The following OGDH variants were observed in gnomAD, a reference collection of about 807,000 sequenced individuals.
OGDH encodes the protein 2-oxoglutarate dehydrogenase complex component E1.
OGDH carries 38 observed loss-of-function variants against 116.6 expected under a neutral mutation model. That is an observed-to-expected ratio of 0.33 (90% CI 0.25 to 0.43). The LOEUF is 0.43. Among genes scored for constraint, OGDH ranks in the 20% least tolerant of loss-of-function variants. The pLI is 1.00. For missense variants in OGDH, 825 were observed against 1,357.2 expected (o/e 0.61, Z 6.16); for synonymous variants, 488 against 533.3 (o/e 0.92, Z 1.17).
At chr7:44,675,316 A>G (rs1331202132) in intron 8 of OGDH, 48 bp downstream of exon 8, 2 of 1,453,468 alleles carry the variant, frequency 1.4e-6, no homozygotes, top group Non-Finnish European at 1.9e-6. Context: ...CAACTTACAC[A>G]AGACCCCTGG....
intron 20 of OGDH, among the ~76,000 whole-genome samples, chr7:44,701,822 C>T (rs1348697828): frequency 4.6e-5 from 7 of 152,130 alleles, no homozygotes; most frequent in Admixed American, 4.6e-4. Flanking sequence ...GCAGGCAGAT[C>T]ATCTGAGGTC....
intron 10 of OGDH, among the ~76,000 whole-genome samples, chr7:44,691,114 TAGA>T (rs1293869515): frequency 1.3e-5 from 2 of 152,190 alleles, no homozygotes; most frequent in African/African-American, 4.8e-5. Flanking sequence ...GGAAGATCTG[TAGA>T]AGGAGAGGAA....
chr7:44,663,760 C>A (rs1365877520), intron 4 of OGDH, among the ~76,000 whole-genome samples: 1 of 151,848 alleles, frequency 6.6e-6, no homozygotes, highest in African/African-American at 2.4e-5. Context: ...GGCAACAGAG[C>A]GAGATGCTAT....
At chr7:44,698,373 C>G (rs779153467) in intron 18 of OGDH, 110 bp downstream of exon 18, 1 of 1,142,582 alleles carries the variant, frequency 8.8e-7, no homozygotes, top group Non-Finnish European at 1.3e-6. Flanking sequence ...TGCCTCTGTC[C>G]CTTTCTCCAT....
At chr7:44,685,560 A>G (rs1286388137) in intron 10 of OGDH, among the ~76,000 whole-genome samples, 1 of 152,158 alleles carries the variant, frequency 6.6e-6, no homozygotes, top group Non-Finnish European at 1.5e-5. Flanking sequence ...CCTGTTATGA[A>G]TAATGCTGCT....
chr7:44,624,476 G>A lies in OGDH; in HGVS notation c.133G>A (p.Ala45Thr). ...GATTCGGTGCTATTCTGCACCTGTT[G>A]CTGCTGAGCCCTTTCTCAGTGGGAC... ...QQIRCYSAPV[A>T]AEPFLSGTSS... Residue 45 changes from alanine to threonine, a missense_variant, in exon 2 of 23, where the codon GCT becomes ACT. By Grantham distance (58) the Ala-to-Thr change is moderately conservative. Coordinates refer to ENST00000222673, the MANE Select transcript of OGDH (RefSeq NM_002541.4). 1 of 1,613,778 alleles carries A rather than the reference G, an allele frequency of 6.2e-7. No individual in the cohort carries two copies. The highest frequency in any genetic ancestry group is 8.5e-7 in the Non-Finnish European group (1 of 1,179,978).
intron 9 of OGDH, among the ~76,000 whole-genome samples, chr7:44,681,088 A>G (rs1787910830): frequency 6.6e-6 from 1 of 152,234 alleles, no homozygotes; most frequent in African/African-American, 2.4e-5. Flanking sequence ...GGGCTGGTTC[A>G]GACGCAGTTG....
chr7:44,707,041 C>T lies in OGDH; in HGVS notation c.2633-184C>T, dbSNP rs113657216. Among the ~76,000 whole-genome samples the T allele has an allele frequency of 6.0e-3, 910 of 152,292 alleles. 16 individuals are homozygous for T. The highest frequency in any genetic ancestry group is 0.02 in the African/African-American group (840 of 41,562). On this transcript the variant is annotated intron_variant, in intron 20 of 22. Coordinates refer to ENST00000222673, the MANE Select transcript of OGDH (RefSeq NM_002541.4). This position sits in a 1 kb window ranked among gnomAD's most constrained non-coding sequence, Gnocchi z 5.2. ...TCTGCTGTGTATTTGTTACACGTAA[C>T]GTGCTTTTCAAAGTGTGCCTGGTCT...
intron 2 of OGDH, among the ~76,000 whole-genome samples, chr7:44,638,386 T>A (rs1785770512): frequency 6.6e-6 from 1 of 152,230 alleles, no homozygotes; most frequent in South Asian, 2.1e-4. Context: ...CCATTTCTCA[T>A]GAGTGAAAAA....
intron 2 of OGDH, among the ~76,000 whole-genome samples, chr7:44,627,943 C>A (rs890120736): frequency 2.6e-5 from 4 of 152,230 alleles, no homozygotes; most frequent in Non-Finnish European, 5.9e-5. Flanking sequence ...TCCCAAAGTG[C>A]TGGGATTACA....
rs539329531 is a variant in OGDH, at chr7:44,617,625, T to C, written c.-27-6692T>C. On this transcript the variant is annotated intron_variant, in intron 1 of 22. Transcript: ENST00000222673. ...TACTCTGTACATGAGTTCTTTGTAT[T>C]ACTACTAAAACAAAAATAATTGCAG... Among the ~76,000 whole-genome samples, 63 of 152,328 alleles carry C rather than the reference T, an allele frequency of 4.1e-4. 1 individual carries two copies. Among genetic ancestry groups the C allele is most frequent in the Admixed American group, 1.3e-4 (2 of 15,302 alleles).
At chr7:44,686,689 CTTTTT>C (rs35917984) in intron 10 of OGDH, among the ~76,000 whole-genome samples, 1 of 133,238 alleles carries the variant, frequency 7.5e-6, no homozygotes. Flanking sequence ...TTCTTTTTTT[CTTTTT>C]TTTTTTTTTT....
At chr7:44,632,624 TA>T (rs1785491208) in intron 2 of OGDH, among the ~76,000 whole-genome samples, 2 of 123,668 alleles carry the variant, frequency 1.6e-5, no homozygotes, top group African/African-American at 7.6e-5. Flanking sequence ...TTGTTGTTGT[TA>T]TTGTTGTTTT....
At chr7:44,623,617 T>TTAATC (rs1785085498) in intron 1 of OGDH, among the ~76,000 whole-genome samples, 1 of 75,452 alleles carries the variant, frequency 1.3e-5, no homozygotes. Context: ...ATGTTTATCA[T>TTAATC]CTTAGCCCTT....
chr7:44,657,316 A>T (rs988911413), intron 4 of OGDH, among the ~76,000 whole-genome samples: 1 of 152,188 alleles, frequency 6.6e-6, no homozygotes, highest in South Asian at 2.1e-4. Context: ...TGAAATTGTC[A>T]TTTCAGGAAT....
chr7:44,627,967 G>T (rs7808137), intron 2 of OGDH, among the ~76,000 whole-genome samples: 9,822 of 152,174 alleles, frequency 0.065, 402 homozygotes, highest in East Asian at 0.12. Context: ...GTGAGCCACT[G>T]CACCCAGCCC....
In OGDH at chr7:44,708,073, A is replaced by G; in HGVS notation, c.*74A>G. 1 of 1,559,496 alleles carries G rather than the reference A, an allele frequency of 6.4e-7. No individual in the cohort carries two copies. Among genetic ancestry groups the G allele is most frequent in the Non-Finnish European group, 8.7e-7 (1 of 1,155,918 alleles). On this transcript the variant is annotated 3_prime_UTR_variant, in exon 23 of 23. Coordinates refer to ENST00000222673, the MANE Select transcript of OGDH (RefSeq NM_002541.4). ...GCCCCTTGCTTCTCAACTAAAGAAT[A>G]GTGCCTCAGCGCTGCCCACACCACC...
chr7:44,683,670 C>T (rs1367827234), intron 10 of OGDH, among the ~76,000 whole-genome samples: 2 of 152,114 alleles, frequency 1.3e-5, no homozygotes, highest in Non-Finnish European at 2.9e-5. Context: ...CATTACGTAC[C>T]CTTTTAAAAT....
intron 1 of OGDH, among the ~76,000 whole-genome samples, chr7:44,617,589 A>G (rs1784853524): frequency 6.6e-6 from 1 of 152,248 alleles, no homozygotes; most frequent in Admixed American, 6.5e-5. Flanking sequence ...ATAAGGGAGA[A>G]TTGATATCTG....
Sources: gnomAD v4.1 joint callset for allele counts (sites outside exome capture counted in the v4.1 genomes callset) on GRCh38, gnomAD v4.1.1 for gene constraint, Gnocchi (gnomAD v3.1) non-coding constraint, MANE v1.5 for transcripts, NCBI Gene and HGNC (gene_info 2026-07-23, HGNC 2026-07-21) for gene names.